The following SCFD1 variants were observed in gnomAD, a reference collection of about 807,000 sequenced individuals.
SCFD1 encodes sec1 family domain containing 1.
Under a neutral mutation model 103.2 loss-of-function variants are expected in SCFD1, and 37 were observed. The ratio of observed to expected loss-of-function variants is 0.36; its 90% CI spans 0.28 to 0.47. The LOEUF (loss-of-function observed/expected upper bound fraction) is 0.47, where lower values mean the gene tolerates loss of function less well. Ranked by LOEUF, SCFD1 falls within the 20% of genes least tolerant of loss-of-function variation. The probability of loss-of-function intolerance (pLI) is 1.00; values close to 1 mark genes in which losing one functional copy is unlikely to be tolerated. For synonymous variants in SCFD1, 264 were observed against 245.0 expected (o/e 1.08, Z -0.73); for missense variants, 639 against 761.2 (o/e 0.84, Z 1.89).
At chr14:30,723,223 T>A (rs1479924811) in intron 23 of SCFD1, among the ~76,000 whole-genome samples, 4 of 152,196 alleles carry the variant, frequency 2.6e-5, no homozygotes, top group Non-Finnish European at 4.4e-5. Flanking sequence ...TAGAGGGTTA[T>A]GGTACAATGA....
At chr14:30,712,209 T>C (rs75349909) in intron 19 of SCFD1, among the ~76,000 whole-genome samples, 1,937 of 152,300 alleles carry the variant, frequency 0.013, 21 homozygotes, top group Non-Finnish European at 0.021. Flanking sequence ...TCTAATTCTT[T>C]ACTTGGCTGA....
At chr14:30,725,788 C>T (rs1893002174) in intron 23 of SCFD1, among the ~76,000 whole-genome samples, 2 of 152,112 alleles carry the variant, frequency 1.3e-5, no homozygotes, top group Admixed American at 1.3e-4. Context: ...ATGGTTAGTA[C>T]TCCTCTAGTT....
At chr14:30,675,690 A>G (rs1888974442) in intron 14 of SCFD1, among the ~76,000 whole-genome samples, 1 of 152,200 alleles carries the variant, frequency 6.6e-6, no homozygotes, top group Admixed American at 6.5e-5. Context: ...CAGATTGACC[A>G]TATGCTAAAA....
At chr14:30,654,686 AAAAG>A (rs1017693219) in intron 10 of SCFD1, among the ~76,000 whole-genome samples, 1 of 152,144 alleles carries the variant, frequency 6.6e-6, no homozygotes, top group African/African-American at 2.4e-5. Context: ...AAAAAAAAAA[AAAAG>A]GAAATGAAAG....
chr14:30,724,982 A>G (rs1285580888), intron 23 of SCFD1, among the ~76,000 whole-genome samples: 1 of 152,166 alleles, frequency 6.6e-6, no homozygotes, highest in Non-Finnish European at 1.5e-5. Flanking sequence ...GTCGAAGATC[A>G]GATGGTTGTA....
intron 19 of SCFD1, among the ~76,000 whole-genome samples, chr14:30,709,306 C>G (rs1314327383): frequency 6.6e-6 from 1 of 151,480 alleles, no homozygotes; most frequent in African/African-American, 2.4e-5. Context: ...TTTTCTTTTT[C>G]TTTTTTTCTG....
chr14:30,660,723 A>G (rs1048985024), intron 10 of SCFD1, among the ~76,000 whole-genome samples: 1 of 152,138 alleles, frequency 6.6e-6, no homozygotes, highest in African/African-American at 2.4e-5. Flanking sequence ...CAATAAAGTC[A>G]TTTGTTTAAG....
intron 8 of SCFD1, 45 bp downstream of exon 8, chr14:30,649,628 A>G (rs1399224001): frequency 1.4e-6 from 2 of 1,437,552 alleles, no homozygotes; most frequent in Admixed American, 4.5e-5. Context: ...ACATTGTGTG[A>G]ATTGTTTTCC....
chr14:30,635,647 A>G (rs1392511269), intron 4 of SCFD1, among the ~76,000 whole-genome samples: 1 of 152,098 alleles, frequency 6.6e-6, no homozygotes, highest in African/African-American at 2.4e-5. Context: ...AATTTTATTC[A>G]TCCTTTTACC....
chr14:30,700,198 A>G lies in SCFD1; in HGVS notation c.1350A>G (p.Pro450=). The G allele has an allele frequency of 6.2e-7, 1 of 1,610,150 alleles. No homozygotes were observed. The highest frequency in any genetic ancestry group is 8.5e-7 in the Non-Finnish European group (1 of 1,176,576). The part of the protein sequence containing the change: ...DIISDPDAGT[P]EDKMRLFLIY... Reference sequence around the variant, plus strand: ...TTTTCCCCTATGCAGCAGGAACTCCAGAAGATAAAATGAGGTTGTTTCTTA... The same window carrying G: ...TTTTCCCCTATGCAGCAGGAACTCCGGAAGATAAAATGAGGTTGTTTCTTA... Residue 450 remains proline (P), a synonymous_variant, in exon 16 of 25, where the codon CCA becomes CCG. Transcript: ENST00000458591.
At chr14:30,622,267 C>T (rs933542487), upstream of SCFD1, 1 of 1,577,138 alleles carries the variant, frequency 6.3e-7, no homozygotes, top group Non-Finnish European at 8.6e-7. Flanking sequence ...GCTTTGCTTC[C>T]GGGGCGGTAA....
intron 23 of SCFD1, among the ~76,000 whole-genome samples, chr14:30,727,564 A>C (rs1893135251): frequency 1.3e-5 from 2 of 152,190 alleles, no homozygotes; most frequent in Non-Finnish European, 2.9e-5. Context: ...ATCAGGTCTT[A>C]TGGGCATCTG....
intron 15 of SCFD1, among the ~76,000 whole-genome samples, chr14:30,699,432 A>G (rs1350123035): frequency 6.6e-6 from 1 of 152,166 alleles, no homozygotes; most frequent in African/African-American, 2.4e-5. Context: ...CCTTTCCACC[A>G]AAGTGCACAT....
At chr14:30,628,093 A>G (rs1883712099) in intron 1 of SCFD1, 116 bp from the exon 2 acceptor site, 2 of 645,480 alleles carry the variant, frequency 3.1e-6, no homozygotes, top group African/African-American at 3.7e-5. Flanking sequence ...TCATTTGGTT[A>G]ATCAGTTTTA....
At chr14:30,648,647 C>G (rs1243157160) in intron 7 of SCFD1, among the ~76,000 whole-genome samples, 1 of 152,152 alleles carries the variant, frequency 6.6e-6, no homozygotes, top group Non-Finnish European at 1.5e-5. Flanking sequence ...TGCAGAGGCT[C>G]ACACTTGTTA....
chr14:30,718,192 G>T (rs774082057), intron 20 of SCFD1, among the ~76,000 whole-genome samples: 1 of 152,184 alleles, frequency 6.6e-6, no homozygotes. Context: ...ACCAAGAAAT[G>T]TTGTGACTTC....
At chr14:30,718,418 A>G (rs534436397) in intron 20 of SCFD1, among the ~76,000 whole-genome samples, 6 of 152,190 alleles carry the variant, frequency 3.9e-5, no homozygotes, top group Non-Finnish European at 8.8e-5. Context: ...AAGGCATATT[A>G]TTGCAGACGG....
At chr14:30,631,489 A>C (rs1884124589) in intron 3 of SCFD1, among the ~76,000 whole-genome samples, 1 of 152,228 alleles carries the variant, frequency 6.6e-6, no homozygotes, top group Admixed American at 6.5e-5. Context: ...TTGAATATGC[A>C]CTGCTTTTGC....
chr14:30,644,011 A>G (rs1231105385), intron 7 of SCFD1: 2 of 456,272 alleles, frequency 4.4e-6, no homozygotes, highest in East Asian at 1.4e-4. Flanking sequence ...CTCATCCTCT[A>G]TGCTCAGGTA....
Sources: allele counts gnomAD v4.1 joint callset (sites outside exome capture counted in the v4.1 genomes callset), GRCh38; gene constraint gnomAD v4.1.1; transcripts MANE v1.5; gene names NCBI Gene and HGNC (gene_info 2026-07-23, HGNC 2026-07-21).